The following PKHD1L1 variants were observed in gnomAD, a reference collection of about 807,000 sequenced individuals.
PKHD1L1 encodes the protein PKHD1 like 1, also known as fibrocystin-L.
In PKHD1L1, 434 loss-of-function variants were observed where a neutral mutation model predicts 462.9. That is an observed-to-expected ratio of 0.94 (90% CI 0.87 to 1.02). PKHD1L1 has a LOEUF of 1.02. Ranked by LOEUF, PKHD1L1 falls within the 50% of genes least tolerant of loss-of-function variation. PKHD1L1 has a pLI of 0.00. For synonymous variants in PKHD1L1, 1,781 were observed against 1,750.0 expected, an observed-to-expected ratio of 1.02 and a Z score of -0.44; for missense variants, 5,202 against 5,096.1, an observed-to-expected ratio of 1.02 and a Z score of -0.63.
intron 71 of PKHD1L1, 30 bp from the exon 72 acceptor site, chr8:109,515,140 G>T: frequency 6.9e-7 from 1 of 1,456,904 alleles, no homozygotes. Context: ...CTATTTTGTT[G>T]CTTTCTTAAA....
chr8:109,416,882 A>T (rs1388245098), intron 21 of PKHD1L1, among the ~76,000 whole-genome samples: 2 of 152,190 alleles, frequency 1.3e-5, no homozygotes, highest in Admixed American at 6.5e-5. Context: ...AACAGGAAGG[A>T]ATGATTGAAT....
chr8:109,434,983 T>C lies in PKHD1L1; in HGVS notation c.3341-207T>C, dbSNP rs138374419. On this transcript the variant is annotated intron_variant, in intron 28 of 77. Transcript: ENST00000378402. ...TTTCACTATTGGTTTACCTATTTTC[T>C]AGGAGTGTCTGATTCATAGCCTCAG... Among the ~76,000 whole-genome samples the C allele has an allele frequency of 7.0e-3, 1,073 of 152,278 alleles. 11 individuals are homozygous for C. The highest frequency in any genetic ancestry group is 0.013 in the Non-Finnish European group (857 of 68,026).
intron 41 of PKHD1L1, 97 bp downstream of exon 41, chr8:109,451,246 A>G (rs185096083): frequency 7.8e-7 from 1 of 1,288,090 alleles, no homozygotes; most frequent in African/African-American, 1.5e-5. Context: ...AAATACAGTC[A>G]TGCAATGTGT....
In PKHD1L1 at chr8:109,444,679, C is replaced by A. The variant is rs758035422; in HGVS notation, c.4810C>A (p.Pro1604Thr). The change falls in exon 38 of 78, where the codon CCC (proline) becomes ACC (threonine). Residue 1604 changes from proline (P) to threonine (T), a missense_variant. By Grantham distance (38) the Pro-to-Thr change is conservative (BLOSUM62 -1). Around this residue, in one of 3 missense-constraint regions of PKHD1L1, gnomAD observed 4,497 missense variants for 4,336.8 expected, o/e 1.04. Transcript: ENST00000378402. ...CTTACAGGTTACAATTGGTAGCTACCCCTGTGTCGTAGAAGAAAGTAGTGA... is the reference window on the plus strand; with the variant it reads ...CTTACAGGTTACAATTGGTAGCTACACCTGTGTCGTAGAAGAAAGTAGTGA... ...WANKVTIGSYPCVVEESSEDS... is the reference protein window; with the variant it reads ...WANKVTIGSYTCVVEESSEDS... The A allele has an allele frequency of 1.4e-5, 22 of 1,612,590 alleles. No individual in the cohort carries two copies. In the South Asian group the frequency reaches 2.4e-4, roughly 18 times the overall value.
chr8:109,490,002 T>C lies in PKHD1L1; in HGVS notation c.9931T>C (p.Phe3311Leu), dbSNP rs1298439182. ...VEFYHSGQEG[F>L]RDSTDPRYAV... is the part of the protein sequence containing the mutation. Reference sequence around the variant, plus strand: ...ATTTTATCACAGTGGTCAAGAAGGCTTCAGGGATAGCACAGATCCAAGATA... The same window carrying C: ...ATTTTATCACAGTGGTCAAGAAGGCCTCAGGGATAGCACAGATCCAAGATA... Residue 3311 changes from phenylalanine to leucine, a missense_variant, in exon 60 of 78, where the codon TTC becomes CTC. Transcript: ENST00000378402. 2.5e-6 allele frequency: 4 copies of C among 1,609,684 alleles called. No individual in the cohort carries two copies. In the African/African-American group the frequency reaches 5.4e-5, roughly 22 times the overall value.
At position 109,508,176 on chromosome 8, in the gene PKHD1L1, G is replaced by A. The variant is rs756967643; in HGVS notation, c.11307G>A (p.Met3769Ile). The A allele has an allele frequency of 1.1e-5, 18 of 1,613,102 alleles. No individual in the cohort carries two copies. The highest frequency in any genetic ancestry group is 8.3e-5 in the Admixed American group (5 of 59,906). The change falls in exon 70 of 78, where the codon ATG (methionine) becomes ATA (isoleucine). Residue 3769 changes from methionine to isoleucine, a missense_variant. By Grantham distance (10) the Met-to-Ile change is conservative. Around this residue, in one of 3 missense-constraint regions of PKHD1L1, gnomAD observed 698 missense variants for 736.3 expected, o/e 0.95. Coordinates refer to ENST00000378402, the MANE Select transcript of PKHD1L1 (RefSeq NM_177531.6). ...GCTTTGGGATGGAATATGCAATGAT[G>A]GTTATTGAAAGTCTGGATCCTGACA... ...YQCFGMEYAM[M>I]VIESLDPDTE...
rs868793164 is a variant in PKHD1L1, at chr8:109,394,196, A to T, written c.741-219A>T. On this transcript the variant is annotated intron_variant, in intron 9 of 77. Coordinates refer to ENST00000378402, the MANE Select transcript of PKHD1L1 (RefSeq NM_177531.6). ...AAAAAAAAAAAAAAAAAAAAAAAAA[A>T]AGAAATCAACTTTATTGAGATATAG... Among the ~76,000 whole-genome samples, 13 of 143,208 alleles carry T rather than the reference A, an allele frequency of 9.1e-5. No homozygotes were observed. The Middle Eastern group carries it at 0.011, about 116-fold the overall frequency. The allele number at this position is 143,208 out of a possible 152,430, so 94.0% of individuals were successfully genotyped here. A position where few individuals can be genotyped will look rare whatever the true frequency, so the allele number is the denominator to read the frequency against.
intron 63 of PKHD1L1, among the ~76,000 whole-genome samples, chr8:109,495,347 A>G (rs1399173424): frequency 6.6e-6 from 1 of 152,130 alleles, no homozygotes; most frequent in African/African-American, 2.4e-5. Flanking sequence ...ATCTTTGAAT[A>G]TGAATATTTA....
intron 50 of PKHD1L1, chr8:109,471,102 G>A: frequency 6.6e-7 from 1 of 1,520,516 alleles, no homozygotes; most frequent in Non-Finnish European, 9.1e-7. Context: ...AGCAGCATCT[G>A]AAACATCTAA....
intron 67 of PKHD1L1, among the ~76,000 whole-genome samples, chr8:109,502,321 T>C (rs949220510): frequency 1.3e-5 from 2 of 152,180 alleles, no homozygotes; most frequent in African/African-American, 4.8e-5. Flanking sequence ...TATAATTCCC[T>C]TGGAACAGGT....
At chr8:109,480,974 G>T (rs1379487701) in intron 55 of PKHD1L1, among the ~76,000 whole-genome samples, 1 of 151,776 alleles carries the variant, frequency 6.6e-6, no homozygotes, top group Admixed American at 6.6e-5. Flanking sequence ...TCATGAATTT[G>T]GTGTAAAGAA....
Position 109,536,180 on chromosome 8 carries a change from A to T in PKHD1L1, c.*6090A>T, listed in dbSNP as rs1439082909. Among the ~76,000 whole-genome samples, 1 of 152,186 alleles carries T rather than the reference A, an allele frequency of 6.6e-6. No homozygotes were observed. The highest frequency in any genetic ancestry group is 2.4e-5 in the African/African-American group (1 of 41,450). On this transcript the variant is annotated 3_prime_UTR_variant, in exon 78 of 78. Coordinates refer to ENST00000378402, the MANE Select transcript of PKHD1L1 (RefSeq NM_177531.6). ...ATTGTACTGATCTTGAAGATAACAA[A>T]TCTGCCTGCTTCAAAGGTTTCACCG...
intron 4 of PKHD1L1, 31 bp downstream of exon 4, chr8:109,382,602 A>G (rs1812183576): frequency 1.3e-6 from 2 of 1,547,800 alleles, no homozygotes; most frequent in South Asian, 1.2e-5. Context: ...CAGTTTATGT[A>G]TAGTTGATCT....
chr8:109,405,580 C>G (rs537945566), intron 16 of PKHD1L1, among the ~76,000 whole-genome samples: 1 of 152,046 alleles, frequency 6.6e-6, no homozygotes, highest in Non-Finnish European at 1.5e-5. Flanking sequence ...AACAAACTAA[C>G]TCAGGAACAG....
chr8:109,436,634 AC>A (rs1385582005), intron 30 of PKHD1L1, among the ~76,000 whole-genome samples, 175 bp downstream of exon 30: 2 of 152,202 alleles, frequency 1.3e-5, no homozygotes, highest in African/African-American at 4.8e-5. Flanking sequence ...AGATTCAAAG[AC>A]AAAATATTGT....
rs1032847751 is a variant in PKHD1L1, at chr8:109,526,729, T to G, written c.12485-55T>G. On this transcript the variant is annotated intron_variant, in intron 76 of 77. Transcript: ENST00000378402. ...CAATGAAAATCAAATGGGAACGGTA[T>G]GAAAACAAGTAAAACATAAAGGAAA... The G allele has an allele frequency of 4.9e-6, 7 of 1,421,080 alleles. No individual in the cohort carries two copies. In the Admixed American group the frequency reaches 1.5e-4, roughly 30 times the overall value. The allele number at this position is 1,421,080 out of a possible 1,614,324, so 88.0% of individuals were successfully genotyped here. A position where few individuals can be genotyped will look rare whatever the true frequency, so the allele number is the denominator to read the frequency against.
Position 109,454,157 on chromosome 8 carries a change from T to A in PKHD1L1, c.6665-10T>A. 6.3e-7 allele frequency: 1 copy of A among 1,580,972 alleles called. No homozygotes were observed. Among genetic ancestry groups the A allele is most frequent in the Non-Finnish European group, 8.6e-7 (1 of 1,161,820 alleles). The stretch of plus-strand genomic sequence containing the variant: ...CCTTGTGATGTATTTCAAAATTGTA[T>A]GATTCATAGGTGGGACTCTAATATT... On this transcript the variant is annotated splice_polypyrimidine_tract_variant and intron_variant, in intron 43 of 77. Coordinates refer to ENST00000378402, the MANE Select transcript of PKHD1L1 (RefSeq NM_177531.6).
intron 26 of PKHD1L1, among the ~76,000 whole-genome samples, chr8:109,429,720 C>A (rs1476700260): frequency 6.6e-6 from 1 of 152,040 alleles, no homozygotes; most frequent in African/African-American, 2.4e-5. Context: ...ATCTTTACAG[C>A]AGCTCTGTAA....
At chr8:109,371,143 C>T (rs1180203065) in intron 2 of PKHD1L1, among the ~76,000 whole-genome samples, 2 of 152,198 alleles carry the variant, frequency 1.3e-5, no homozygotes, top group Non-Finnish European at 2.9e-5. Flanking sequence ...GTTCCTATTT[C>T]TCCACATCCT....
Sources: allele counts gnomAD v4.1 joint callset (sites outside exome capture counted in the v4.1 genomes callset), GRCh38; gene constraint gnomAD v4.1.1; regional missense constraint gnomAD v4.1.1; transcripts MANE v1.5; gene names NCBI Gene and HGNC (gene_info 2026-07-23, HGNC 2026-07-21).